Variants in ATXN2 observed in about 807,000 individuals in gnomAD.
ATXN2 encodes ataxin 2.
A neutral mutation model predicts 138.6 loss-of-function variants in ATXN2; 37 were observed. The ratio of observed to expected loss-of-function variants is 0.27; its 90% CI spans 0.21 to 0.35. ATXN2 has a LOEUF of 0.35. Ranked by LOEUF, ATXN2 falls within the 10% of genes least tolerant of loss-of-function variation. The pLI, the probability that ATXN2 is intolerant of heterozygous loss-of-function variation, is 1.00. For missense variants in ATXN2, 1,216 were observed against 1,480.3 expected (o/e 0.82, Z 2.93); for synonymous variants, 549 against 543.7 (o/e 1.01, Z -0.13).
chr12:111,452,915 T>C, intron 24 of ATXN2, 75 bp from the exon 25 acceptor site: 6 of 1,518,256 alleles, frequency 4.0e-6, no homozygotes, highest in Non-Finnish European at 5.3e-6. Context: ...CTGCAGCACA[T>C]GATTGTAAAC....
At position 111,509,464 on chromosome 12, in the gene ATXN2, T is replaced by C. The variant is rs113003210; in HGVS notation, c.1935+85A>G. 2.6e-4 allele frequency: 205 copies of C among 792,958 alleles called. 1 individual carries two copies. Among genetic ancestry groups the C allele is most frequent in the African/African-American group, 1.4e-3 (81 of 57,372 alleles). 49.1% of individuals were successfully genotyped at this position (792,958 alleles called of 1,614,324 possible). On this transcript the variant is annotated intron_variant, in intron 14 of 24. Coordinates refer to ENST00000673436, the MANE Select transcript of ATXN2 (RefSeq NM_001372574.1). ...ATATGGTTTGATGTTTCTGACTGTA[T>C]ACATAACGCATTTTTATAAATAGAT...
chr12:111,500,362 A>G (rs1276264420), intron 14 of ATXN2, among the ~76,000 whole-genome samples: 2 of 152,232 alleles, frequency 1.3e-5, no homozygotes, highest in African/African-American at 4.8e-5. Context: ...AGCCAGGGAC[A>G]GAAAGATAAA....
chr12:111,571,022 G>T (rs1201549429), intron 1 of ATXN2, among the ~76,000 whole-genome samples: 1 of 152,136 alleles, frequency 6.6e-6, no homozygotes, highest in Non-Finnish European at 1.5e-5. Flanking sequence ...CTTATTACTT[G>T]CCAGGCATTG....
At position 111,598,636 on chromosome 12, in the gene ATXN2, G is replaced by T; in HGVS notation, c.251+148C>A. On this transcript the variant is annotated intron_variant, in intron 1 of 24. Transcript: ENST00000673436. This position sits in a 1 kb window ranked among gnomAD's most constrained non-coding sequence, Gnocchi z 4.5. ...CTGCGCCCACCGGCCGAGCCTCGGG[G>T]CTCAGGCCCGAGCGAGTCTCCCCCG... 1 of 927,046 alleles carries T rather than the reference G, an allele frequency of 1.1e-6. No homozygotes were observed. Among genetic ancestry groups the T allele is most frequent in the Non-Finnish European group, 1.3e-6 (1 of 774,630 alleles). 57.4% of individuals were successfully genotyped at this position (927,046 alleles called of 1,614,324 possible). A position where few individuals can be genotyped will look rare whatever the true frequency, so the allele number is the denominator to read the frequency against.
intron 18 of ATXN2, among the ~76,000 whole-genome samples, chr12:111,475,589 C>A (rs1876755567): frequency 6.9e-6 from 1 of 145,498 alleles, no homozygotes; most frequent in Non-Finnish European, 1.5e-5. Context: ...CTCCTGGGTT[C>A]AAGCAATTCT....
chr12:111,474,042 G>A (rs940423618), intron 18 of ATXN2, among the ~76,000 whole-genome samples: 4 of 152,124 alleles, frequency 2.6e-5, no homozygotes, highest in Non-Finnish European at 4.4e-5. Flanking sequence ...TCAGGAATTC[G>A]AAACCCTGTC....
chr12:111,597,547 T>C (rs1884998729), intron 1 of ATXN2, among the ~76,000 whole-genome samples: 2 of 152,188 alleles, frequency 1.3e-5, no homozygotes, highest in African/African-American at 2.4e-5. Flanking sequence ...GAATGGAGTC[T>C]ATTGACGTTT....
chr12:111,492,455 G>T (rs781402430), intron 14 of ATXN2, among the ~76,000 whole-genome samples: 7 of 152,174 alleles, frequency 4.6e-5, no homozygotes, highest in Non-Finnish European at 7.3e-5. Flanking sequence ...AGGCCAAGGC[G>T]GACAGATCAC....
chr12:111,519,947 A>G lies in ATXN2; in HGVS notation c.918T>C (p.Ser306=). 1 of 1,613,500 alleles carries G rather than the reference A, an allele frequency of 6.2e-7. No individual in the cohort carries two copies. The highest frequency in any genetic ancestry group is 8.5e-7 in the Non-Finnish European group (1 of 1,179,898). ...GAACTGCTGTGTATTTTTCTTCCTC[A>G]CTCCTATCATCATTTTCCAGGGCCA... is the stretch of plus-strand genomic sequence containing the variant. ...ARVALENDDR[S]EEEKYTAVQR... Residue 306 remains serine, a synonymous_variant, in exon 8 of 25, where the codon AGT becomes AGC. Coordinates refer to ENST00000673436, the MANE Select transcript of ATXN2 (RefSeq NM_001372574.1).
At chr12:111,586,819 C>G (rs534254060) in intron 1 of ATXN2, among the ~76,000 whole-genome samples, 1 of 152,240 alleles carries the variant, frequency 6.6e-6, no homozygotes, top group African/African-American at 2.4e-5. Flanking sequence ...CCGCACCCAG[C>G]TAAGTCTTTC....
At chr12:111,454,869 C>T in intron 23 of ATXN2, 1 of 569,710 alleles carries the variant, frequency 1.8e-6, no homozygotes, top group Admixed American at 2.8e-5. Context: ...TAGACACCTA[C>T]AGGACCCCAG....
chr12:111,499,876 A>G (rs1878646700), intron 14 of ATXN2, among the ~76,000 whole-genome samples: 1 of 152,162 alleles, frequency 6.6e-6, no homozygotes, highest in Non-Finnish European at 1.5e-5. Flanking sequence ...AATACTACTG[A>G]TCACCAGAAA....
intron 1 of ATXN2, among the ~76,000 whole-genome samples, chr12:111,589,228 T>C (rs1884522100): frequency 6.6e-6 from 1 of 151,562 alleles, no homozygotes; most frequent in Non-Finnish European, 1.5e-5. Context: ...GGCAGGACAA[T>C]CACTTGAACC....
chr12:111,454,850 A>G, intron 23 of ATXN2: 1 of 531,270 alleles, frequency 1.9e-6, no homozygotes, highest in Non-Finnish European at 3.4e-6. Context: ...CTTAGCCACC[A>G]GCCTCTGGTA....
At chr12:111,454,941 C>T in intron 23 of ATXN2, 1 of 671,144 alleles carries the variant, frequency 1.5e-6, no homozygotes, top group Non-Finnish European at 2.8e-6. Context: ...GGCTTCCCTC[C>T]CCACTATCAA....
chr12:111,593,917 T>G (rs919376599), intron 1 of ATXN2, among the ~76,000 whole-genome samples: 10 of 152,168 alleles, frequency 6.6e-5, no homozygotes, highest in African/African-American at 9.7e-5. Context: ...GCCACATGAC[T>G]AATTAACCTA....
intron 14 of ATXN2, among the ~76,000 whole-genome samples, chr12:111,495,261 T>C (rs1295167465): frequency 7.1e-6 from 1 of 140,608 alleles, no homozygotes; most frequent in East Asian, 2.2e-4. Context: ...TGAGCTGAGA[T>C]AGCGCCATTG....
Position 111,538,735 on chromosome 12 carries a change from G to GT in ATXN2, c.572-13420dup, listed in dbSNP as rs775885331. 4.7e-5 allele frequency among the ~76,000 whole-genome samples: 7 copies of GT among 150,094 alleles called. 1 individual carries two copies. Among genetic ancestry groups the GT allele is most frequent in the Non-Finnish European group, 9.0e-5 (6 of 67,020 alleles). On this transcript the variant is annotated intron_variant, in intron 5 of 24. Transcript: ENST00000673436. ...TTGAACTGAAAATTGTTTAGAAATG[G>GT]TATCAGTTAAAATGGTGCTGTATTT...
intron 6 of ATXN2, 126 bp from the exon 7 acceptor site, chr12:111,521,099 T>C (rs558228232): frequency 1.6e-6 from 1 of 631,394 alleles, no homozygotes. Flanking sequence ...AATTAGAAAA[T>C]AGGAAAAAAT....
Sources: allele counts gnomAD v4.1 joint callset (sites outside exome capture counted in the v4.1 genomes callset), GRCh38; gene constraint gnomAD v4.1.1; non-coding constraint Gnocchi (gnomAD v3.1); transcripts MANE v1.5; gene names NCBI Gene and HGNC (gene_info 2026-07-23, HGNC 2026-07-21).